Variants in SACS observed in about 807,000 individuals in gnomAD.
SACS encodes the protein sacsin.
In SACS, 197 loss-of-function variants were observed where a neutral mutation model predicts 348.0. The observed-to-expected ratio is 0.57, with a 90% CI of 0.50 to 0.64. The LOEUF (loss-of-function observed/expected upper bound fraction) is 0.64, where lower values mean the gene tolerates loss of function less well. Among genes scored for constraint, SACS ranks in the 30% least tolerant of loss-of-function variants. The probability of loss-of-function intolerance (pLI) is 0.00; values close to 1 mark genes in which losing one functional copy is unlikely to be tolerated. For missense variants in SACS, 4,999 were observed against 5,360.8 expected, an observed-to-expected ratio of 0.93 and a Z score of 2.11; for synonymous variants, 1,985 against 1,910.6, an observed-to-expected ratio of 1.04 and a Z score of -1.02.
intron 5 of SACS, among the ~76,000 whole-genome samples, chr13:23,367,786 G>A (rs879539886): frequency 4.6e-5 from 7 of 152,054 alleles, no homozygotes; most frequent in Non-Finnish European, 8.8e-5. Context: ...TAGAGACGGG[G>A]TTTCGCCAAG....
intron 2 of SACS, 50 bp downstream of exon 2, chr13:23,411,170 C>A (rs571069805): frequency 6.5e-7 from 1 of 1,527,942 alleles, no homozygotes; most frequent in Admixed American, 1.7e-5. Context: ...TCCAACAAGT[C>A]TTAAAATCCC....
At chr13:23,395,382 G>A (rs1872674796) in intron 2 of SACS, among the ~76,000 whole-genome samples, 1 of 152,112 alleles carries the variant, frequency 6.6e-6, no homozygotes, top group Admixed American at 6.5e-5. Context: ...GGATAATTTG[G>A]AACTTTGATG....
In SACS at chr13:23,337,692, A is replaced by G; in HGVS notation, c.6184T>C (p.Phe2062Leu). ...GCTTCAATTTCTTGAATATTTGGAAAAAACACTTCAGAAAAAAACTGTTTC... is the reference window on the plus strand; with the variant it reads ...GCTTCAATTTCTTGAATATTTGGAAGAAACACTTCAGAAAAAAACTGTTTC... ...SEKQFFSEVF[F>L]PNIQEIEAEL... Residue 2062 changes from phenylalanine to leucine, a missense_variant, in exon 10 of 10, where the codon TTT becomes CTT. By Grantham distance (22) the Phe-to-Leu change is conservative. Transcript: ENST00000382292. 1 of 1,612,954 alleles carries G rather than the reference A, an allele frequency of 6.2e-7. No homozygotes were observed. The highest frequency in any genetic ancestry group is 8.5e-7 in the Non-Finnish European group (1 of 1,179,750).
rs749291377 is a variant in SACS at position 23,335,425 on chromosome 13, C to T, written c.8451G>A (p.Thr2817=). Residue 2817 remains threonine (T), a synonymous_variant, in exon 10 of 10, where the codon ACG becomes ACA. Coordinates refer to ENST00000382292, the MANE Select transcript of SACS (RefSeq NM_014363.6). This position sits in a 1 kb window ranked among gnomAD's most constrained non-coding sequence, Gnocchi z 4.7. ...AGCCTGATCTATTACAAATTAGCCACGTAGTAAGATTTCCTTCAGAGTCCT... is the reference window on the plus strand; with the variant it reads ...AGCCTGATCTATTACAAATTAGCCATGTAGTAAGATTTCCTTCAGAGTCCT... ...DTEDSEGNLT[T]WLICNRSGFS... The T allele has an allele frequency of 1.2e-5, 19 of 1,613,774 alleles. No homozygotes were observed. Among genetic ancestry groups the T allele is most frequent in the East Asian group, 6.7e-5 (3 of 44,906 alleles).
rs1300107942 is a variant in SACS, at chr13:23,354,937, T to C, written c.1675A>G (p.Asn559Asp). Residue 559 changes from asparagine (N) to aspartate (D), a missense_variant, in exon 8 of 10, where the codon AAT (asparagine) becomes GAT (aspartate). Physicochemically the swap from Asn to Asp is conservative, Grantham distance 23. Transcript: ENST00000382292. ...CAGCTAATTGAATAAATCACTGCAT[T>C]CTGCAACAGCTCGCTGAATAGAGGC... ...LEPLFSELLQ[N>D]AVIYSISCDW... is the part of the protein sequence containing the mutation. 5 of 1,614,106 alleles carry C rather than the reference T, an allele frequency of 3.1e-6. No individual in the cohort carries two copies. In the African/African-American group the frequency reaches 4.0e-5, roughly 13 times the overall value.
chr13:23,393,889 T>C (rs533164486), intron 2 of SACS, among the ~76,000 whole-genome samples: 41 of 152,068 alleles, frequency 2.7e-4, no homozygotes, highest in East Asian at 5.8e-4. Flanking sequence ...GCCTCCCGAG[T>C]AGCTGGGACT....
intron 2 of SACS, among the ~76,000 whole-genome samples, chr13:23,403,253 G>A (rs1873061489): frequency 6.6e-6 from 1 of 152,116 alleles, no homozygotes; most frequent in Non-Finnish European, 1.5e-5. Context: ...CCAGGTTTTG[G>A]TATCAGGATG....
At position 23,333,021 on chromosome 13, in the gene SACS, C is replaced by T. The variant is rs748151842; in HGVS notation, c.10855G>A (p.Glu3619Lys). ...ATATCAACTGTATTTTGCAATGTTT[C>T]TTTGGACCAGTTTTCTGTATTAGCC... ...VRANTENWSKETLQNTVDILL... is the reference protein window; with the variant it reads ...VRANTENWSKKTLQNTVDILL... Residue 3619 changes from glutamate (E) to lysine (K), a missense_variant, in exon 10 of 10, where the codon GAA (glutamate) becomes AAA (lysine). By Grantham distance (56) the Glu-to-Lys change is moderately conservative (BLOSUM62 1). This residue lies in a region of SACS where 831 missense variants were observed against 941.8 expected (regional missense o/e 0.88). Transcript: ENST00000382292. 1.2e-6 allele frequency: 2 copies of T among 1,613,958 alleles called. No homozygotes were observed. Among genetic ancestry groups the T allele is most frequent in the Non-Finnish European group, 1.7e-6 (2 of 1,179,908 alleles).
intron 3 of SACS, among the ~76,000 whole-genome samples, chr13:23,372,554 A>G (rs544747518): frequency 1.3e-5 from 2 of 152,306 alleles, no homozygotes; most frequent in South Asian, 2.1e-4. Flanking sequence ...TCAGTCCCCA[A>G]TACATGAATT....
In SACS at chr13:23,366,890, G is replaced by A. The variant is rs568947397; in HGVS notation, c.345+1512C>T. On this transcript the variant is annotated intron_variant, in intron 5 of 9. Transcript: ENST00000382292. Reference sequence around the variant, plus strand: ...CACAAATACCATAGAAGGTGGTGGTGTAGGTCTTGGTGATTTCTAAGACTC... The same window carrying A: ...CACAAATACCATAGAAGGTGGTGGTATAGGTCTTGGTGATTTCTAAGACTC... Among the ~76,000 whole-genome samples, 4 of 152,326 alleles carry A rather than the reference G, an allele frequency of 2.6e-5. No individual in the cohort carries two copies. In the South Asian group the frequency reaches 8.3e-4, roughly 32 times the overall value.
chr13:23,378,756 T>C lies in SACS; in HGVS notation c.21-3487A>G, dbSNP rs140908302. On this transcript the variant is annotated intron_variant, in intron 2 of 9. Transcript: ENST00000382292. ...CACGCCTGGCTCTTGCAACATTTTA[T>C]AGAAAATATGGAAAGAGAGTGAGCT... Among the ~76,000 whole-genome samples the C allele has an allele frequency of 4.4e-3, 667 of 152,272 alleles. 4 individuals are homozygous for C. Among genetic ancestry groups the C allele is most frequent in the Middle Eastern group, 0.041 (12 of 294 alleles).
chr13:23,432,403 A>T (rs1249087605), intron 1 of SACS, among the ~76,000 whole-genome samples: 1 of 152,202 alleles, frequency 6.6e-6, no homozygotes, highest in Non-Finnish European at 1.5e-5. Context: ...AAAATTGCCC[A>T]AACAGCCCAG....
At position 23,354,706 on chromosome 13, in the gene SACS, G is replaced by A. The variant is rs201752905; in HGVS notation, c.1906C>T (p.Arg636Trp). ...GCACAGCCCAGGTGTGCACACTTCC[G>A]CAGCACCTGCCGCACCCACGCGGGC... ...VTPAWVRQVL[R>W]KCAHLGCAEE... The change falls in exon 8 of 10, where the codon CGG becomes TGG. Residue 636 changes from arginine to tryptophan, a missense_variant. Around this residue, in one of 6 missense-constraint regions of SACS, gnomAD observed 3,156 missense variants for 3,380.1 expected, o/e 0.93. Transcript: ENST00000382292. 65 of 1,613,804 alleles carry A rather than the reference G, an allele frequency of 4.0e-5. No individual in the cohort carries two copies. Among genetic ancestry groups the A allele is most frequent in the Admixed American group, 8.3e-5 (5 of 60,016 alleles).
In SACS at chr13:23,341,523, T is replaced by G. The variant is rs1869221451; in HGVS notation, c.2353A>C (p.Asn785His). 1.2e-6 allele frequency: 2 copies of G among 1,613,948 alleles called. No homozygotes were observed. Among genetic ancestry groups the G allele is most frequent in the Admixed American group, 3.3e-5 (2 of 60,002 alleles). Residue 785 changes from asparagine (N) to histidine (H), a missense_variant, in exon 10 of 10, where the codon AAT (asparagine) becomes CAT (histidine). Asn to His is a moderately conservative substitution (Grantham distance 68). Around this residue, in one of 6 missense-constraint regions of SACS, gnomAD observed 3,156 missense variants for 3,380.1 expected, o/e 0.93. Coordinates refer to ENST00000382292, the MANE Select transcript of SACS (RefSeq NM_014363.6). ...SVSWLKMVWK[N>H]LYIHFSEDLT... ...TCCTCTGAAAAATGTATATAAAGATTTTTCCAAACCATCTTAAGCCATGAA... is the reference window on the plus strand; with the variant it reads ...TCCTCTGAAAAATGTATATAAAGATGTTTCCAAACCATCTTAAGCCATGAA...
At chr13:23,342,857 A>G (rs1252304965) in intron 9 of SACS, among the ~76,000 whole-genome samples, 3 of 152,202 alleles carry the variant, frequency 2.0e-5, no homozygotes, top group Non-Finnish European at 4.4e-5. Flanking sequence ...TAATTTAAGT[A>G]CCATTTCATC....
At chr13:23,353,029 A>ACCCAGAACTTTTCAGGACAAC (rs377514125) in intron 9 of SACS, among the ~76,000 whole-genome samples, 3,131 of 152,256 alleles carry the variant, frequency 0.021, 113 homozygotes, top group African/African-American at 0.071. Context: ...AGCAGGACAA[A>ACCCAGAACTTTTCAGGACAAC]CCCAGAACTT....
chr13:23,357,942 TTC>T (rs1870497734), intron 7 of SACS, among the ~76,000 whole-genome samples: 1 of 152,232 alleles, frequency 6.6e-6, no homozygotes, highest in Non-Finnish European at 1.5e-5. Context: ...CTGTTTAACC[TTC>T]TGATATTTAG....
At chr13:23,370,524 G>A (rs1871322337) in intron 4 of SACS, among the ~76,000 whole-genome samples, 1 of 152,256 alleles carries the variant, frequency 6.6e-6, no homozygotes, top group East Asian at 1.9e-4. Flanking sequence ...ACACAGTATT[G>A]TTATTCATGG....
intron 2 of SACS, among the ~76,000 whole-genome samples, chr13:23,406,909 T>C (rs576869027): frequency 6.6e-6 from 1 of 152,322 alleles, no homozygotes; most frequent in South Asian, 2.1e-4. Context: ...CCCTTGTAGG[T>C]TATCAGTTTC....
Sources: gnomAD v4.1 joint callset for allele counts (sites outside exome capture counted in the v4.1 genomes callset) on GRCh38, gnomAD v4.1.1 for gene constraint, gnomAD v4.1.1 regional missense constraint, Gnocchi (gnomAD v3.1) non-coding constraint, MANE v1.5 for transcripts, NCBI Gene and HGNC (gene_info 2026-07-23, HGNC 2026-07-21) for gene names.